The following ANKFN1 variants were observed in gnomAD, a reference collection of about 807,000 sequenced individuals.
ANKFN1 encodes ankyrin repeat and fibronectin type III domain containing 1, also known as ankyrin repeat and fibronectin type-III domain-containing protein 1.
Under a neutral mutation model 108.7 loss-of-function variants are expected in ANKFN1, and 74 were observed. The observed-to-expected ratio is 0.68, with a 90% CI of 0.56 to 0.83. ANKFN1 has a LOEUF of 0.83. ANKFN1 is among the 40% of genes least tolerant of loss of function. The pLI, the probability that ANKFN1 is intolerant of heterozygous loss-of-function variation, is 0.00. For synonymous variants in ANKFN1, 547 were observed against 516.2 expected (o/e 1.06, Z -0.81); for missense variants, 1,505 against 1,382.3 (o/e 1.09, Z -1.41).
At position 56,511,506 on chromosome 17, in the gene ANKFN1, T is replaced by C; in HGVS notation, c.*237T>C. 1 of 537,228 alleles carries C rather than the reference T, an allele frequency of 1.9e-6. No individual in the cohort carries two copies. Among genetic ancestry groups the C allele is most frequent in the African/African-American group, 1.9e-5 (1 of 52,540 alleles). 33.3% of individuals were successfully genotyped at this position (537,228 alleles called of 1,614,324 possible). Reference sequence around the variant, plus strand: ...AGGGCATGGGGGAGTTGTGTCAACATGGAATACGACATACAGTGACTCAAA... The same window carrying C: ...AGGGCATGGGGGAGTTGTGTCAACACGGAATACGACATACAGTGACTCAAA... On this transcript the variant is annotated 3_prime_UTR_variant, in exon 21 of 21. Transcript: ENST00000682825.
At chr17:56,155,019 A>T (rs771870499) in intron 1 of ANKFN1, among the ~76,000 whole-genome samples, 1 of 152,230 alleles carries the variant, frequency 6.6e-6, no homozygotes, top group Non-Finnish European at 1.5e-5. Flanking sequence ...AAAAGTAGTT[A>T]TCTAAAGCCT....
intron 3 of ANKFN1, among the ~76,000 whole-genome samples, chr17:56,264,937 T>C (rs918780690): frequency 3.9e-5 from 6 of 152,164 alleles, no homozygotes; most frequent in African/African-American, 1.2e-4. Flanking sequence ...TCCCCAGCCC[T>C]CTAGCTCAGG....
chr17:56,170,803 T>TACACACAC (rs1160259097), intron 1 of ANKFN1, among the ~76,000 whole-genome samples: 28 of 68,058 alleles, frequency 4.1e-4, no homozygotes, highest in Non-Finnish European at 7.2e-4. Flanking sequence ...TATATATATA[T>TACACACAC]ATATACACAC....
intron 3 of ANKFN1, among the ~76,000 whole-genome samples, chr17:56,277,857 C>T (rs1046842332): frequency 3.9e-5 from 6 of 152,080 alleles, no homozygotes; most frequent in Admixed American, 3.3e-4. Context: ...TTGAGTCACA[C>T]GATCTACAGT....
At chr17:56,281,132 C>A (rs1371809688) in intron 3 of ANKFN1, among the ~76,000 whole-genome samples, 2 of 152,136 alleles carry the variant, frequency 1.3e-5, no homozygotes, top group Non-Finnish European at 2.9e-5. Context: ...TTATCAGCAG[C>A]ATGAAAATGG....
At position 56,071,409 on chromosome 17, in the gene ANKFN1, T is replaced by C. The variant is rs141184180; in HGVS notation, c.288+25084T>C. On this transcript the variant is annotated intron_variant, in intron 4 of 12. Coordinates refer to the ANKFN1 transcript ENST00000635860. ...GAAGTTTCTCTCTGACCTTGGAGTA[T>C]AAAGTTAGGCCTTACAGGGGTTCTC... Among the ~76,000 whole-genome samples the C allele has an allele frequency of 9.8e-5, 15 of 152,300 alleles. No homozygotes were observed. In the East Asian group the frequency reaches 1.9e-3, roughly 20 times the overall value.
chr17:56,067,052 G>A (rs1905066867), intron 4 of ANKFN1, among the ~76,000 whole-genome samples: 1 of 152,124 alleles, frequency 6.6e-6, no homozygotes. Flanking sequence ...AAATTAGCCA[G>A]GTGGAGAGTG....
intron 1 of ANKFN1, among the ~76,000 whole-genome samples, chr17:56,182,723 A>G (rs1184320526): frequency 1.3e-5 from 2 of 152,220 alleles, no homozygotes; most frequent in Non-Finnish European, 2.9e-5. Context: ...TTTTCAATGT[A>G]GGAAAACTAG....
At chr17:56,191,922 C>A (rs541906870) in intron 1 of ANKFN1, among the ~76,000 whole-genome samples, 4 of 151,496 alleles carry the variant, frequency 2.6e-5, no homozygotes, top group South Asian at 2.1e-4. Flanking sequence ...TCTTTTTATT[C>A]TTTTTTCTCT....
At position 56,353,823 on chromosome 17, in the gene ANKFN1, TG is replaced by T. The variant is rs775647626; in HGVS notation, c.391-12del. 5 of 1,613,328 alleles carry T rather than the reference TG, an allele frequency of 3.1e-6. No individual in the cohort carries two copies. Among genetic ancestry groups the T allele is most frequent in the Non-Finnish European group, 4.2e-6 (5 of 1,179,570 alleles). ...TTAAGAAATTGTGCTGATCTACTTT[TG>T]CTCCTCTCTAGAATTTCCAGGGCAA... On this transcript the variant is annotated splice_polypyrimidine_tract_variant and intron_variant, in intron 5 of 20. Coordinates refer to ENST00000682825, the MANE Select transcript of ANKFN1 (RefSeq NM_001370326.1).
chr17:56,511,157 T>G lies in ANKFN1; in HGVS notation c.3329T>G (p.Leu1110Trp). The change falls in exon 21 of 21, where the codon TTG (leucine) becomes TGG (tryptophan). Residue 1110 changes from leucine (L) to tryptophan (W), a missense_variant. Coordinates refer to ENST00000682825, the MANE Select transcript of ANKFN1 (RefSeq NM_001370326.1). ...VAQDEKPWAS[L>W]SPPSGGRITL... Reference sequence around the variant, plus strand: ...CAGGACGAAAAACCATGGGCAAGCTTGAGCCCGCCCTCTGGAGGCCGCATC... The same window carrying G: ...CAGGACGAAAAACCATGGGCAAGCTGGAGCCCGCCCTCTGGAGGCCGCATC... The G allele has an allele frequency of 6.5e-7, 1 of 1,536,030 alleles. No individual in the cohort carries two copies. The highest frequency in any genetic ancestry group is 8.7e-7 in the Non-Finnish European group (1 of 1,146,856).
chr17:56,396,374 G>C (rs2047584636), intron 8 of ANKFN1, among the ~76,000 whole-genome samples: 1 of 152,200 alleles, frequency 6.6e-6, no homozygotes, highest in African/African-American at 2.4e-5. Context: ...CTTGAGCCCA[G>C]GAGGCGGAGG....
At chr17:56,272,966 T>C (rs2043829215) in intron 3 of ANKFN1, among the ~76,000 whole-genome samples, 1 of 152,186 alleles carries the variant, frequency 6.6e-6, no homozygotes, top group Non-Finnish European at 1.5e-5. Context: ...GATGCCTGAA[T>C]TGGGCCCCTG....
chr17:56,112,335 T>C (rs184282402), intron 4 of ANKFN1, among the ~76,000 whole-genome samples: 11 of 152,262 alleles, frequency 7.2e-5, no homozygotes, highest in Middle Eastern at 3.4e-3. Context: ...TGATTTACTG[T>C]TTATGAGTCA....
rs1307880828 is a variant in ANKFN1 at position 56,457,741 on chromosome 17, G to GA, written c.1441-118dup. Reference sequence around the variant, plus strand: ...TCAAAAAGTTGTTTCGTGTGTGTCTGAAAATGGACTGGAGAATAAACATCA... The same window carrying GA: ...TCAAAAAGTTGTTTCGTGTGTGTCTGAAAAATGGACTGGAGAATAAACATCA... On this transcript the variant is annotated intron_variant, in intron 13 of 20. Transcript: ENST00000682825. 9 of 747,678 alleles carry GA rather than the reference G, an allele frequency of 1.2e-5. No homozygotes were observed. The East Asian group carries it at 1.7e-4, about 14-fold the overall frequency. 46.3% of individuals were successfully genotyped at this position (747,678 alleles called of 1,614,324 possible). A position where few individuals can be genotyped will look rare whatever the true frequency, so the allele number is the denominator to read the frequency against.
chr17:56,122,884 C>T (rs1906707288), intron 4 of ANKFN1, among the ~76,000 whole-genome samples: 1 of 152,156 alleles, frequency 6.6e-6, no homozygotes. Context: ...CACCACTTGG[C>T]TTCCATTTGG....
chr17:56,346,087 A>G (rs2046092090), intron 4 of ANKFN1, among the ~76,000 whole-genome samples: 1 of 152,038 alleles, frequency 6.6e-6, no homozygotes, highest in Non-Finnish European at 1.5e-5. Context: ...GAAGGGGTTC[A>G]GTTTCTGTTT....
intron 3 of ANKFN1, among the ~76,000 whole-genome samples, chr17:56,307,049 C>G (rs1460579657): frequency 6.6e-6 from 1 of 152,128 alleles, no homozygotes; most frequent in Non-Finnish European, 1.5e-5. Flanking sequence ...AACTGGATCC[C>G]TTCCTTACAC....
chr17:56,409,668 T>G (rs1598553213), intron 8 of ANKFN1, among the ~76,000 whole-genome samples: 2 of 152,336 alleles, frequency 1.3e-5, no homozygotes, highest in African/African-American at 4.8e-5. Flanking sequence ...TTCATGACCC[T>G]TGTTCCTCCT....
Sources: allele counts gnomAD v4.1 joint callset (sites outside exome capture counted in the v4.1 genomes callset), GRCh38; gene constraint gnomAD v4.1.1; transcripts MANE v1.5; gene names NCBI Gene and HGNC (gene_info 2026-07-23, HGNC 2026-07-21).